The following GABRB1 variants were observed in gnomAD, a reference collection of about 807,000 sequenced individuals.
GABRB1 encodes gamma-aminobutyric acid receptor subunit beta-1.
In GABRB1, 17 loss-of-function variants were observed where a neutral mutation model predicts 51.6. That is an observed-to-expected ratio of 0.33 (90% CI 0.23 to 0.49). GABRB1 has a LOEUF of 0.49. Ranked by LOEUF, GABRB1 falls within the 20% of genes least tolerant of loss-of-function variation. The probability of loss-of-function intolerance (pLI) is 0.99; values close to 1 mark genes in which losing one functional copy is unlikely to be tolerated. For missense variants in GABRB1, 410 were observed against 600.6 expected, an observed-to-expected ratio of 0.68 and a Z score of 3.32; for synonymous variants, 247 against 218.9, an observed-to-expected ratio of 1.13 and a Z score of -1.14.
chr4:47,348,566 A>G (rs1415026206), intron 5 of GABRB1, among the ~76,000 whole-genome samples: 2 of 152,228 alleles, frequency 1.3e-5, no homozygotes, highest in Non-Finnish European at 2.9e-5. Context: ...TTATGTATGA[A>G]AATATTCCAA....
intron 5 of GABRB1, among the ~76,000 whole-genome samples, chr4:47,347,862 A>G (rs1726161229): frequency 6.6e-6 from 1 of 152,226 alleles, no homozygotes; most frequent in African/African-American, 2.4e-5. Flanking sequence ...GTTACAGACA[A>G]CAGGGTAAAA....
chr4:47,411,342 C>A (rs1408358464), intron 8 of GABRB1, among the ~76,000 whole-genome samples: 1 of 151,842 alleles, frequency 6.6e-6, no homozygotes, highest in African/African-American at 2.4e-5. Context: ...TTGATACATG[C>A]AAAAACTTGG....
At chr4:47,273,208 AG>A (rs1462412969) in intron 4 of GABRB1, among the ~76,000 whole-genome samples, 1 of 152,226 alleles carries the variant, frequency 6.6e-6, no homozygotes, top group Non-Finnish European at 1.5e-5. Flanking sequence ...CATGTTATAC[AG>A]GAGCTTTGCA....
intron 5 of GABRB1, among the ~76,000 whole-genome samples, chr4:47,373,204 C>T (rs1451821662): frequency 6.6e-6 from 1 of 152,194 alleles, no homozygotes; most frequent in African/African-American, 2.4e-5. Flanking sequence ...TATACCCTGA[C>T]TATTTTCTCT....
intron 5 of GABRB1, among the ~76,000 whole-genome samples, chr4:47,350,622 T>C (rs78809035): frequency 0.012 from 1,810 of 151,938 alleles, 37 homozygotes; most frequent in African/African-American, 0.042. Context: ...TATATCAAGA[T>C]AGAAAAAAAA....
At chr4:47,131,165 AT>A (rs1432111315) in intron 3 of GABRB1, among the ~76,000 whole-genome samples, 635 of 145,450 alleles carry the variant, frequency 4.4e-3, no homozygotes, top group Admixed American at 3.9e-3. Flanking sequence ...CTTCTGGAGA[AT>A]TTTTTTTTTT....
chr4:47,152,215 T>C (rs909116200), intron 3 of GABRB1, among the ~76,000 whole-genome samples: 2 of 151,990 alleles, frequency 1.3e-5, no homozygotes, highest in African/African-American at 4.8e-5. Flanking sequence ...TTTTCAGAAA[T>C]TTGGAATGTA....
At chr4:47,026,664 A>C (rs1396238120), upstream of GABRB1, among the ~76,000 whole-genome samples, 4 of 151,948 alleles carry the variant, frequency 2.6e-5, no homozygotes, top group Non-Finnish European at 5.9e-5. Context: ...TATCCTTCAT[A>C]AGATTCTACT....
chr4:47,408,970 G>A (rs1194172637), intron 8 of GABRB1, among the ~76,000 whole-genome samples: 1 of 152,190 alleles, frequency 6.6e-6, no homozygotes, highest in Non-Finnish European at 1.5e-5. Context: ...GAAGAAAGCA[G>A]GGCCCTTCAG....
chr4:47,350,212 TATATATAGAGAGAG>T (rs1460226390), intron 5 of GABRB1, among the ~76,000 whole-genome samples: 2 of 85,644 alleles, frequency 2.3e-5, no homozygotes, highest in Non-Finnish European at 4.3e-5. Context: ...TATATATATA[TATATATAGAGAGAG>T]AGAGAGAGAG....
At chr4:47,145,560 T>C (rs532621979) in intron 3 of GABRB1, among the ~76,000 whole-genome samples, 19 of 152,062 alleles carry the variant, frequency 1.2e-4, no homozygotes, top group Non-Finnish European at 2.4e-4. Flanking sequence ...GAGAGATTGT[T>C]CTGTGAGTAC....
intron 1 of GABRB1, among the ~76,000 whole-genome samples, chr4:47,000,821 G>C (rs992754743): frequency 6.6e-6 from 1 of 152,156 alleles, no homozygotes; most frequent in Admixed American, 6.5e-5. Flanking sequence ...TTTCAAGTTA[G>C]ACTGAAGCTG....
At chr4:47,078,780 G>GCACT (rs1429465052) in intron 3 of GABRB1, among the ~76,000 whole-genome samples, 4 of 151,976 alleles carry the variant, frequency 2.6e-5, no homozygotes, top group Non-Finnish European at 5.9e-5. Context: ...TTACTATTGG[G>GCACT]CACTGCCCCT....
chr4:47,231,090 T>A (rs1014664281), intron 4 of GABRB1, among the ~76,000 whole-genome samples: 6 of 152,102 alleles, frequency 3.9e-5, no homozygotes, highest in Non-Finnish European at 8.8e-5. Context: ...GAAGCAAAAA[T>A]TCCTGAGTCC....
At chr4:47,105,149 G>C (rs956474014) in intron 3 of GABRB1, among the ~76,000 whole-genome samples, 1 of 152,066 alleles carries the variant, frequency 6.6e-6, no homozygotes, top group Non-Finnish European at 1.5e-5. Context: ...CTGTTGCTAT[G>C]AGTAGCCTCA....
Position 47,345,421 on chromosome 4 carries a change from G to GT in GABRB1, c.544+25219dup, listed in dbSNP as rs558957266. ...GAATTGGACTAAGGAGGTAAAGAGA[G>GT]TTTTTTTGAGATTGTGTCTATTGCT... On this transcript the variant is annotated intron_variant, in intron 5 of 8. Transcript: ENST00000295454. 2.4e-3 allele frequency among the ~76,000 whole-genome samples: 368 copies of GT among 152,258 alleles called. 2 individuals are homozygous for GT. The highest frequency in any genetic ancestry group is 8.6e-3 in the African/African-American group (358 of 41,558).
intron 5 of GABRB1, among the ~76,000 whole-genome samples, chr4:47,332,486 A>C (rs1371270372): frequency 6.6e-6 from 1 of 152,200 alleles, no homozygotes; most frequent in Non-Finnish European, 1.5e-5. Context: ...TGAAACAAGT[A>C]TATAATTTAG....
At chr4:47,031,195 G>A (rs1341431241), upstream of GABRB1, among the ~76,000 whole-genome samples, 1 of 151,948 alleles carries the variant, frequency 6.6e-6, no homozygotes, top group Non-Finnish European at 1.5e-5. Flanking sequence ...CCCGCCACAG[G>A]CAACCAGAGA....
At chr4:47,098,976 G>T (rs893138241) in intron 3 of GABRB1, among the ~76,000 whole-genome samples, 2 of 151,874 alleles carry the variant, frequency 1.3e-5, no homozygotes, top group Admixed American at 6.6e-5. Flanking sequence ...TTAACTAAAG[G>T]CAAAAAATCT....
Sources: allele counts gnomAD v4.1 joint callset (sites outside exome capture counted in the v4.1 genomes callset), GRCh38; gene constraint gnomAD v4.1.1; transcripts MANE v1.5; gene names NCBI Gene and HGNC (gene_info 2026-07-23, HGNC 2026-07-21).